RNLS: variants seen among roughly 807,000 people sequenced by gnomAD.
The protein encoded by RNLS is renalase, FAD dependent amine oxidase.
Under a neutral mutation model 39.8 loss-of-function variants are expected in RNLS, and 39 were observed. That is an observed-to-expected ratio of 0.98 (90% CI 0.76 to 1.28). The LOEUF (loss-of-function observed/expected upper bound fraction) is 1.28, where lower values mean the gene tolerates loss of function less well. Among genes scored for constraint, RNLS ranks in the 50% most tolerant of loss-of-function variants. The pLI is 0.00. For synonymous variants in RNLS, 147 were observed against 150.7 expected, an observed-to-expected ratio of 0.98 and a Z score of 0.18; for missense variants, 410 against 413.3, an observed-to-expected ratio of 0.99 and a Z score of 0.07.
At chr10:88,417,419 C>A (rs182130542) in intron 4 of RNLS, among the ~76,000 whole-genome samples, 1 of 152,192 alleles carries the variant, frequency 6.6e-6, no homozygotes, top group Non-Finnish European at 1.5e-5. Context: ...TAAAGTGGTT[C>A]TTTTTAAAAC....
At chr10:88,505,196 T>C (rs1047039918) in intron 4 of RNLS, among the ~76,000 whole-genome samples, 3 of 151,824 alleles carry the variant, frequency 2.0e-5, no homozygotes, top group African/African-American at 7.3e-5. Context: ...TTGAATACCT[T>C]TTGCCAGAAA....
intron 6 of RNLS, 129 bp from the exon 7 acceptor site, chr10:88,285,635 A>C (rs1843208576): frequency 1.4e-6 from 1 of 716,190 alleles, no homozygotes; most frequent in African/African-American, 1.8e-5. Context: ...CCAAACAAAC[A>C]AAAAAAATGC....
the RNLS span, among the ~76,000 whole-genome samples, chr10:88,262,806 G>C: frequency 6.6e-6 from 1 of 152,316 alleles, no homozygotes; most frequent in African/African-American, 2.4e-5. Flanking sequence ...GGTGCCAGAA[G>C]GGGATTCTGG....
At chr10:88,470,198 G>T (rs543615483) in intron 4 of RNLS, among the ~76,000 whole-genome samples, 1 of 151,792 alleles carries the variant, frequency 6.6e-6, no homozygotes, top group South Asian at 2.1e-4. Context: ...TAAGTTCAGG[G>T]ATACATGTGC....
intron 5 of RNLS, among the ~76,000 whole-genome samples, chr10:88,336,095 A>G (rs1274128194): frequency 2.0e-5 from 3 of 152,220 alleles, no homozygotes; most frequent in Non-Finnish European, 4.4e-5. Flanking sequence ...CAAAGCTATG[A>G]CACATTTAGA....
chr10:88,381,513 TTTTG>T (rs1354770096), intron 4 of RNLS, among the ~76,000 whole-genome samples: 14 of 151,780 alleles, frequency 9.2e-5, no homozygotes, highest in Non-Finnish European at 1.3e-4. Context: ...TAAAAGTATT[TTTTG>T]TTTTTTATAT....
At chr10:88,464,950 G>T (rs559731430) in intron 4 of RNLS, among the ~76,000 whole-genome samples, 14 of 152,210 alleles carry the variant, frequency 9.2e-5, no homozygotes, top group African/African-American at 3.4e-4. Context: ...GGTGCCTAAA[G>T]GTGGTTCAAA....
chr10:88,208,788 C>T, the RNLS span, among the ~76,000 whole-genome samples: 8 of 152,218 alleles, frequency 5.3e-5, no homozygotes, highest in Admixed American at 5.2e-4. Flanking sequence ...AAAGGGGTAA[C>T]TCAGCTTGAA....
In RNLS at chr10:88,527,937, TAAA is replaced by T. The variant is rs552399085; in HGVS notation, c.526+44963_526+44965del. ...ATAAGAAAGGACACTACAATAAAAA[TAAA>T]AAAAAATCATAAAAGAAAATTCAGC... On this transcript the variant is annotated intron_variant, in intron 4 of 6. Transcript: ENST00000331772. Among the ~76,000 whole-genome samples, 1,305 of 147,374 alleles carry T rather than the reference TAAA, an allele frequency of 8.9e-3. 21 individuals are homozygous for T. Among genetic ancestry groups the T allele is most frequent in the African/African-American group, 0.031 (1,234 of 40,098 alleles).
intron 4 of RNLS, among the ~76,000 whole-genome samples, chr10:88,402,864 A>G (rs1301019723): frequency 6.6e-6 from 1 of 152,098 alleles, no homozygotes; most frequent in Non-Finnish European, 1.5e-5. Flanking sequence ...AATGTTCTTT[A>G]GAAACATTCT....
chr10:88,281,354 T>C (rs1800536875), downstream of RNLS, among the ~76,000 whole-genome samples: 1 of 152,114 alleles, frequency 6.6e-6, no homozygotes, highest in Non-Finnish European at 1.5e-5. Flanking sequence ...TCAGGGATCC[T>C]TTCTCCCCAA....
At chr10:88,463,126 T>C (rs191323275) in intron 4 of RNLS, among the ~76,000 whole-genome samples, 4 of 152,144 alleles carry the variant, frequency 2.6e-5, no homozygotes, top group African/African-American at 9.6e-5. Flanking sequence ...TGGATCTATA[T>C]ATTGAAGTCC....
intron 4 of RNLS, among the ~76,000 whole-genome samples, chr10:88,382,029 C>T (rs544441749): frequency 2.4e-4 from 37 of 152,220 alleles, no homozygotes; most frequent in Non-Finnish European, 4.1e-4. Flanking sequence ...TTTCCCACTA[C>T]GATGGCAGAG....
At chr10:88,417,502 C>A (rs1030341229) in intron 4 of RNLS, among the ~76,000 whole-genome samples, 1 of 152,088 alleles carries the variant, frequency 6.6e-6, no homozygotes, top group East Asian at 1.9e-4. Flanking sequence ...CAGTCTACTA[C>A]GTTAATTTGA....
chr10:88,326,128 T>C (rs999068313), intron 5 of RNLS, among the ~76,000 whole-genome samples: 8 of 152,204 alleles, frequency 5.3e-5, no homozygotes, highest in Non-Finnish European at 1.0e-4. Flanking sequence ...AACAGACTAA[T>C]ACAGTAAATT....
chr10:88,424,280 G>T (rs929134063), intron 4 of RNLS, among the ~76,000 whole-genome samples: 9 of 152,148 alleles, frequency 5.9e-5, no homozygotes, highest in Admixed American at 3.3e-4. Context: ...TGGAGATAGC[G>T]GCTGAATGTG....
chr10:88,297,741 T>C (rs994785788), intron 6 of RNLS, among the ~76,000 whole-genome samples: 11 of 152,346 alleles, frequency 7.2e-5, no homozygotes, highest in Non-Finnish European at 1.3e-4. Flanking sequence ...CATTCATTAG[T>C]TGATAGACAT....
chr10:88,289,508 C>T (rs921075749), intron 6 of RNLS, among the ~76,000 whole-genome samples: 4 of 152,126 alleles, frequency 2.6e-5, no homozygotes, highest in Admixed American at 2.0e-4. Context: ...TGTTGCTCAG[C>T]CAGGCAAGGT....
chr10:88,488,707 G>A (rs992471296), intron 4 of RNLS, among the ~76,000 whole-genome samples: 1 of 152,062 alleles, frequency 6.6e-6, no homozygotes, highest in Admixed American at 6.6e-5. Context: ...GGCTAATAGA[G>A]CAAAAGTGCC....
Sources: gnomAD v4.1 joint callset for allele counts (sites outside exome capture counted in the v4.1 genomes callset) on GRCh38, gnomAD v4.1.1 for gene constraint, MANE v1.5 for transcripts, NCBI Gene and HGNC (gene_info 2026-07-23, HGNC 2026-07-21) for gene names.